Variants in SPAG16 observed in about 807,000 individuals in gnomAD.
The protein encoded by SPAG16 is sperm-associated antigen 16 protein.
SPAG16 carries 86 observed loss-of-function variants against 80.4 expected under a neutral mutation model. That is an observed-to-expected ratio of 1.07 (90% CI 0.90 to 1.28). The LOEUF (loss-of-function observed/expected upper bound fraction) is 1.28. SPAG16 is among the 50% of genes most tolerant of loss of function. The pLI, the probability that SPAG16 is intolerant of heterozygous loss-of-function variation, is 0.00. For synonymous variants in SPAG16, 294 were observed against 265.9 expected (o/e 1.11, Z -1.03); for missense variants, 870 against 765.3 (o/e 1.14, Z -1.61).
At chr2:214,168,782 G>A (rs187612353) in intron 15 of SPAG16, among the ~76,000 whole-genome samples, 5 of 152,142 alleles carry the variant, frequency 3.3e-5, no homozygotes, top group African/African-American at 7.2e-5. Context: ...ACGCTGAATC[G>A]ATTACCTGAG....
At chr2:214,406,896 T>G (rs1702026152) in intron 15 of SPAG16, among the ~76,000 whole-genome samples, 1 of 152,132 alleles carries the variant, frequency 6.6e-6, no homozygotes. Flanking sequence ...GTATTGATTA[T>G]ATATTTTAAG....
intron 15 of SPAG16, among the ~76,000 whole-genome samples, chr2:214,189,939 C>T (rs1169928425): frequency 6.6e-6 from 1 of 151,980 alleles, no homozygotes; most frequent in Non-Finnish European, 1.5e-5. Flanking sequence ...TGGGATCATA[C>T]AGTTGGAAAA....
At chr2:214,333,499 T>A (rs1039559011) in intron 15 of SPAG16, among the ~76,000 whole-genome samples, 17 of 152,202 alleles carry the variant, frequency 1.1e-4, no homozygotes, top group African/African-American at 4.1e-4. Context: ...GAAAACTCAG[T>A]TCTGTAACTA....
chr2:213,383,276 C>G (rs1178077675), intron 9 of SPAG16, among the ~76,000 whole-genome samples: 1 of 152,004 alleles, frequency 6.6e-6, no homozygotes, highest in African/African-American at 2.4e-5. Context: ...TGATATTATT[C>G]CTATTATTAT....
At chr2:213,396,969 T>C (rs1488207721) in intron 9 of SPAG16, among the ~76,000 whole-genome samples, 3 of 152,082 alleles carry the variant, frequency 2.0e-5, no homozygotes, top group Admixed American at 2.0e-4. Flanking sequence ...TCAAGGTCAG[T>C]CAACAAAAAA....
intron 10 of SPAG16, among the ~76,000 whole-genome samples, chr2:213,758,536 A>G (rs1246995854): frequency 6.6e-6 from 1 of 152,158 alleles, no homozygotes; most frequent in Non-Finnish European, 1.5e-5. Flanking sequence ...TGGGAGCTGA[A>G]AAGTACAACA....
chr2:213,756,077 A>T (rs2068314122), intron 10 of SPAG16, among the ~76,000 whole-genome samples: 1 of 152,242 alleles, frequency 6.6e-6, no homozygotes, highest in South Asian at 2.1e-4. Flanking sequence ...GGCCAGCCTC[A>T]GATATCAGTC....
chr2:214,258,483 A>G (rs925561300), intron 15 of SPAG16, among the ~76,000 whole-genome samples: 3 of 148,742 alleles, frequency 2.0e-5, no homozygotes, highest in African/African-American at 7.4e-5. Flanking sequence ...ATATATATAT[A>G]TATATATACA....
At chr2:214,198,091 AATTTTT>A (rs1288297020) in intron 15 of SPAG16, among the ~76,000 whole-genome samples, 1 of 151,850 alleles carries the variant, frequency 6.6e-6, no homozygotes, top group Admixed American at 6.6e-5. Flanking sequence ...TTTATTGTGT[AATTTTT>A]ATTTTTATTT....
intron 10 of SPAG16, among the ~76,000 whole-genome samples, chr2:213,853,426 AAG>A (rs1410221613): frequency 2.6e-5 from 4 of 152,320 alleles, no homozygotes; most frequent in African/African-American, 7.2e-5. Flanking sequence ...GGTCTATTAT[AAG>A]AAATGTGTCC....
intron 9 of SPAG16, among the ~76,000 whole-genome samples, chr2:213,485,648 T>A (rs1466291211): frequency 6.6e-6 from 1 of 152,162 alleles, no homozygotes; most frequent in Non-Finnish European, 1.5e-5. Flanking sequence ...GACCTAGTAA[T>A]TAACATAGTG....
intron 15 of SPAG16, among the ~76,000 whole-genome samples, chr2:214,289,831 C>A (rs1047750743): frequency 1.3e-5 from 2 of 152,036 alleles, no homozygotes; most frequent in Admixed American, 1.3e-4. Context: ...GAAAATTTAA[C>A]AAAATTGAGT....
At chr2:213,710,401 A>C (rs763575180) in intron 10 of SPAG16, among the ~76,000 whole-genome samples, 1 of 152,200 alleles carries the variant, frequency 6.6e-6, no homozygotes, top group Non-Finnish European at 1.5e-5. Flanking sequence ...ATTATAACTA[A>C]GCGTAAGGTA....
chr2:213,786,915 A>C (rs1305888076), intron 10 of SPAG16, among the ~76,000 whole-genome samples: 1 of 152,182 alleles, frequency 6.6e-6, no homozygotes, highest in East Asian at 1.9e-4. Flanking sequence ...AAACAATTCT[A>C]ATAATTTCAT....
chr2:213,778,447 T>C (rs1268620519), intron 10 of SPAG16, among the ~76,000 whole-genome samples: 2 of 152,116 alleles, frequency 1.3e-5, no homozygotes, highest in Non-Finnish European at 2.9e-5. Context: ...TTTTATACCT[T>C]TCACTTTCCC....
chr2:213,676,286 A>T (rs1383283659), intron 10 of SPAG16, among the ~76,000 whole-genome samples: 1 of 152,190 alleles, frequency 6.6e-6, no homozygotes, highest in Admixed American at 6.5e-5. Flanking sequence ...TTTTGGGATG[A>T]GACAATGGGG....
intron 15 of SPAG16, among the ~76,000 whole-genome samples, chr2:214,263,346 G>A (rs1259900643): frequency 6.6e-6 from 1 of 152,040 alleles, no homozygotes; most frequent in African/African-American, 2.4e-5. Flanking sequence ...TACCTGCTTT[G>A]TTTGCAAGTT....
intron 15 of SPAG16, among the ~76,000 whole-genome samples, chr2:214,371,322 C>A (rs1699798651): frequency 6.6e-6 from 1 of 151,992 alleles, no homozygotes; most frequent in Non-Finnish European, 1.5e-5. Context: ...CACATGAAGT[C>A]CGGAGTTCAA....
At chr2:214,080,071 G>T (rs1177002101) in intron 13 of SPAG16, among the ~76,000 whole-genome samples, 2 of 151,986 alleles carry the variant, frequency 1.3e-5, no homozygotes, top group African/African-American at 4.8e-5. Context: ...ATCCTTAAAA[G>T]GGTCATGATA....
Sources: gnomAD v4.1 joint callset for allele counts (sites outside exome capture counted in the v4.1 genomes callset) on GRCh38, gnomAD v4.1.1 for gene constraint, MANE v1.5 for transcripts, NCBI Gene and HGNC (gene_info 2026-07-23, HGNC 2026-07-21) for gene names.